Variants in WDPCP observed in about 807,000 individuals in gnomAD.
The protein encoded by WDPCP is WD repeat containing planar cell polarity effector.
WDPCP carries 71 observed loss-of-function variants against 93.1 expected under a neutral mutation model. The ratio of observed to expected loss-of-function variants is 0.76; its 90% CI spans 0.63 to 0.93. The LOEUF is 0.93. Ranked by LOEUF, WDPCP falls within the 40% of genes least tolerant of loss-of-function variation. WDPCP has a pLI of 0.00. For synonymous variants in WDPCP, 315 were observed against 315.0 expected (o/e 1.00, Z 0.00); for missense variants, 844 against 887.4 (o/e 0.95, Z 0.62).
At chr2:63,630,668 A>G (rs1194528254) in intron 3 of WDPCP, among the ~76,000 whole-genome samples, 1 of 152,228 alleles carries the variant, frequency 6.6e-6, no homozygotes, top group Non-Finnish European at 1.5e-5. Context: ...ATACACAATC[A>G]TAGTTGGAGA....
chr2:63,133,563 G>T (rs942381137), intron 17 of WDPCP, among the ~76,000 whole-genome samples: 3 of 152,138 alleles, frequency 2.0e-5, no homozygotes, highest in Admixed American at 1.3e-4. Context: ...TCCCCATGCC[G>T]TTCTTATGAT....
At chr2:63,338,560 AAAAAAAAAAATATATATATATATATAT>A (rs1306805302) in intron 12 of WDPCP, among the ~76,000 whole-genome samples, 8 of 60,830 alleles carry the variant, frequency 1.3e-4, no homozygotes, top group African/African-American at 6.2e-4. Flanking sequence ...CTAAAAAAAA[AAAAAAAAAAATATATATATATATATAT>A]ATATATATAT....
At chr2:63,466,394 C>CAT (rs748736228) in intron 6 of WDPCP, among the ~76,000 whole-genome samples, 14 of 151,484 alleles carry the variant, frequency 9.2e-5, no homozygotes, top group South Asian at 6.3e-4. Context: ...GTTACATTGA[C>CAT]ATATATATAT....
At chr2:63,231,715 T>A (rs1200275803) in intron 14 of WDPCP, among the ~76,000 whole-genome samples, 10 of 152,158 alleles carry the variant, frequency 6.6e-5, no homozygotes, top group African/African-American at 2.4e-4. Context: ...TCCATGCTCA[T>A]GGATAGGAAG....
At chr2:63,502,037 C>G (rs536825378) in intron 1 of WDPCP, among the ~76,000 whole-genome samples, 1 of 152,294 alleles carries the variant, frequency 6.6e-6, no homozygotes, top group East Asian at 1.9e-4. Flanking sequence ...TCCAAGCTGC[C>G]CTCCTCACTC....
intron 10 of WDPCP, among the ~76,000 whole-genome samples, chr2:63,388,037 G>A (rs1295727587): frequency 6.6e-6 from 1 of 152,072 alleles, no homozygotes; most frequent in Admixed American, 6.6e-5. Flanking sequence ...TCATTAAAAT[G>A]ACTTTACTGC....
At chr2:63,696,729 T>C (rs1668966145) in intron 2 of WDPCP, among the ~76,000 whole-genome samples, 1 of 152,222 alleles carries the variant, frequency 6.6e-6, no homozygotes, top group Non-Finnish European at 1.5e-5. Context: ...AAGAATCCTT[T>C]TCTGACCAGA....
intron 6 of WDPCP, among the ~76,000 whole-genome samples, chr2:63,455,760 A>T (rs1176585722): frequency 1.3e-5 from 2 of 152,182 alleles, no homozygotes; most frequent in East Asian, 3.9e-4. Flanking sequence ...CACTCTCAGC[A>T]TTAGCCAGAT....
At chr2:63,567,589 C>A (rs1321707554) in intron 1 of WDPCP, among the ~76,000 whole-genome samples, 1 of 152,212 alleles carries the variant, frequency 6.6e-6, no homozygotes, top group Non-Finnish European at 1.5e-5. Flanking sequence ...ACTTTTCCCC[C>A]TACTTAGCTA....
At chr2:63,279,318 G>T (rs1559276613) in intron 13 of WDPCP, among the ~76,000 whole-genome samples, 1 of 151,970 alleles carries the variant, frequency 6.6e-6, no homozygotes, top group Non-Finnish European at 1.5e-5. Context: ...GGGATGCAGG[G>T]ATGGTTTAAT....
chr2:63,486,219 A>G (rs1034936847), intron 4 of WDPCP, among the ~76,000 whole-genome samples: 14 of 151,900 alleles, frequency 9.2e-5, no homozygotes, highest in African/African-American at 3.4e-4. Flanking sequence ...ACATGTTAAC[A>G]ATTTAGGCAA....
chr2:63,127,785 C>T (rs1298257942), intron 17 of WDPCP, among the ~76,000 whole-genome samples: 1 of 151,120 alleles, frequency 6.6e-6, no homozygotes. Flanking sequence ...GGAAGTGCAG[C>T]AGGTTGCTAT....
chr2:63,376,028 TG>T (rs1691828181), intron 12 of WDPCP, among the ~76,000 whole-genome samples: 2 of 151,968 alleles, frequency 1.3e-5, no homozygotes, highest in Non-Finnish European at 2.9e-5. Context: ...CAGGGAGTAA[TG>T]TAATTCTAGC....
At chr2:63,236,616 G>A (rs1045812584) in intron 14 of WDPCP, among the ~76,000 whole-genome samples, 1 of 152,080 alleles carries the variant, frequency 6.6e-6, no homozygotes, top group Non-Finnish European at 1.5e-5. Flanking sequence ...CATGGTACTG[G>A]TACAAAAACA....
chr2:63,378,136 T>C (rs1485456680), intron 12 of WDPCP: 1 of 482,026 alleles, frequency 2.1e-6, no homozygotes, highest in Admixed American at 3.3e-5. Flanking sequence ...TGACTTTACA[T>C]AGCTTTCATA....
intron 1 of WDPCP, among the ~76,000 whole-genome samples, chr2:63,530,659 A>G (rs919506826): frequency 4.6e-5 from 7 of 152,144 alleles, no homozygotes; most frequent in Non-Finnish European, 8.8e-5. Flanking sequence ...CCAAGGTCAT[A>G]TTTTCTAACA....
At chr2:63,494,736 C>T (rs911553947) in intron 1 of WDPCP, among the ~76,000 whole-genome samples, 1 of 151,914 alleles carries the variant, frequency 6.6e-6, no homozygotes, top group Non-Finnish European at 1.5e-5. Flanking sequence ...CTGGCTAACA[C>T]GGTGAAACCT....
At chr2:63,241,898 A>G (rs1159514953) in intron 14 of WDPCP, among the ~76,000 whole-genome samples, 1 of 152,162 alleles carries the variant, frequency 6.6e-6, no homozygotes, top group African/African-American at 2.4e-5. Context: ...ACCTAGGCTC[A>G]TGACTTTAAT....
intron 2 of WDPCP, among the ~76,000 whole-genome samples, chr2:63,755,305 CGTGTGGG>C (rs902541694): frequency 6.6e-6 from 1 of 152,116 alleles, no homozygotes; most frequent in Non-Finnish European, 1.5e-5. Flanking sequence ...TAGAGGAGCA[CGTGTGGG>C]AGGTTTTTAA....
Sources: gnomAD v4.1 joint callset for allele counts (sites outside exome capture counted in the v4.1 genomes callset) on GRCh38, gnomAD v4.1.1 for gene constraint, MANE v1.5 for transcripts, NCBI Gene and HGNC (gene_info 2026-07-23, HGNC 2026-07-21) for gene names.